Variants in RGPD2 observed in about 807,000 individuals in gnomAD.
RGPD2 encodes the protein RANBP2-like and GRIP domain-containing protein 2.
A neutral mutation model predicts 36.0 loss-of-function variants in RGPD2; 2 were observed. The ratio of observed to expected loss-of-function variants is 0.06; its 90% CI spans 0.02 to 0.17. The LOEUF is 0.17. Ranked by LOEUF, RGPD2 falls within the 10% of genes least tolerant of loss-of-function variation. The pLI is 1.00. For synonymous variants in RGPD2, 19 were observed against 163.8 expected (o/e 0.12, Z 6.75); for missense variants, 40 against 464.3 (o/e 0.09, Z 8.40).
At chr2:87,872,440 A>G in the RGPD2 span, among the ~76,000 whole-genome samples, 2 of 152,234 alleles carry the variant, frequency 1.3e-5, no homozygotes, top group African/African-American at 2.4e-5. Flanking sequence ...TTAAAGGAAT[A>G]TATAAACATA....
chr2:87,955,338 T>C, the RGPD2 span, among the ~76,000 whole-genome samples: 1 of 126,288 alleles, frequency 7.9e-6, no homozygotes. Context: ...TTTTCACCTT[T>C]ACATTTGATA....
chr2:87,932,796 A>G, the RGPD2 span, among the ~76,000 whole-genome samples: 1 of 151,856 alleles, frequency 6.6e-6, no homozygotes, highest in Non-Finnish European at 1.5e-5. Context: ...CTTCTGGTTT[A>G]TAGAGCTTCA....
At chr2:87,988,541 A>ATATATATTTTTTTTTT in the RGPD2 span, among the ~76,000 whole-genome samples, 1 of 54,152 alleles carries the variant, frequency 1.8e-5, no homozygotes. Context: ...ATATATATAT[A>ATATATATTTTTTTTTT]TTTTTTTTTT....
At chr2:87,913,427 A>G in the RGPD2 span, among the ~76,000 whole-genome samples, 6 of 151,898 alleles carry the variant, frequency 4.0e-5, no homozygotes, top group Non-Finnish European at 8.8e-5. Flanking sequence ...TAGCATTGGG[A>G]GATATACCTA....
the RGPD2 span, among the ~76,000 whole-genome samples, chr2:87,943,899 C>T: frequency 6.6e-6 from 1 of 152,004 alleles, no homozygotes; most frequent in African/African-American, 2.4e-5. Flanking sequence ...AATCTTGAAG[C>T]CTCCTCCAAA....
the RGPD2 span, among the ~76,000 whole-genome samples, chr2:87,921,010 T>A: frequency 2.0e-5 from 3 of 149,500 alleles, no homozygotes; most frequent in African/African-American, 7.4e-5. Context: ...TAGGCTGATG[T>A]AGAAAGTCAA....
At chr2:87,877,383 G>T in the RGPD2 span, among the ~76,000 whole-genome samples, 1 of 152,292 alleles carries the variant, frequency 6.6e-6, no homozygotes, top group African/African-American at 2.4e-5. Flanking sequence ...AGAAGCTCTT[G>T]CAAGGCAGGC....
chr2:87,881,967 G>A, the RGPD2 span, among the ~76,000 whole-genome samples: 104 of 150,486 alleles, frequency 6.9e-4, no homozygotes, highest in East Asian at 9.4e-3. Flanking sequence ...GGGAGAGCAG[G>A]CATTTCACGT....
chr2:87,854,630 G>A, the RGPD2 span, among the ~76,000 whole-genome samples: 3 of 152,016 alleles, frequency 2.0e-5, no homozygotes, highest in African/African-American at 7.2e-5. Context: ...CACCTCAACT[G>A]TCAGTAGCAC....
chr2:87,876,642 G>C, the RGPD2 span, among the ~76,000 whole-genome samples: 3 of 152,290 alleles, frequency 2.0e-5, no homozygotes, highest in Non-Finnish European at 4.4e-5. Flanking sequence ...ATCAATTTTA[G>C]AGTAAGTGCT....
the RGPD2 span, among the ~76,000 whole-genome samples, chr2:87,929,487 A>ATGTGTGTGTGTGTG: frequency 1.2e-4 from 16 of 136,984 alleles, no homozygotes; most frequent in South Asian, 2.4e-4. Context: ...GTGTGTGTGT[A>ATGTGTGTGTGTGTG]TGTGTGTGTG....
chr2:87,830,265 A>T (rs551656717), upstream of RGPD2, among the ~76,000 whole-genome samples: 5 of 152,356 alleles, frequency 3.3e-5, no homozygotes, highest in Admixed American at 3.3e-4. Context: ...CTTTCACAGC[A>T]TTTTCCACCC....
At chr2:87,873,351 A>G in the RGPD2 span, among the ~76,000 whole-genome samples, 1 of 144,756 alleles carries the variant, frequency 6.9e-6, no homozygotes, top group African/African-American at 2.6e-5. Context: ...TCCCTTGGGT[A>G]TATACTGAGT....
chr2:87,825,737 C>G lies in RGPD2; in HGVS notation c.-8G>C, dbSNP rs1686780196. ...GGCTTTGCTGCGCCTCATCGCACCG[C>G]CAACCTGGCTCCCGAGACGCGTGAA... is the stretch of plus-strand genomic sequence containing the variant. On this transcript the variant is annotated 5_prime_UTR_variant, in exon 1 of 23. Transcript: ENST00000398146. 1.3e-6 allele frequency: 2 copies of G among 1,596,752 alleles called. No individual in the cohort carries two copies. Among genetic ancestry groups the G allele is most frequent in the South Asian group, 1.1e-5 (1 of 88,534 alleles).
At chr2:87,825,443 C>CGT (rs1215419175) in intron 1 of RGPD2, among the ~76,000 whole-genome samples, 1 of 114,228 alleles carries the variant, frequency 8.8e-6, no homozygotes, top group Non-Finnish European at 2.0e-5. Context: ...CCGCCGCCGC[C>CGT]CGGCCAGGCC....
the RGPD2 span, among the ~76,000 whole-genome samples, chr2:87,837,210 A>T: frequency 1.3e-5 from 2 of 150,260 alleles, no homozygotes; most frequent in Non-Finnish European, 3.0e-5. Flanking sequence ...CCCAAATTTG[A>T]TACTTAACTA....
At chr2:87,962,501 T>G in the RGPD2 span, among the ~76,000 whole-genome samples, 19 of 152,228 alleles carry the variant, frequency 1.2e-4, no homozygotes, top group African/African-American at 4.6e-4. Flanking sequence ...GATTCTGAGC[T>G]TACCAGTGTG....
the RGPD2 span, among the ~76,000 whole-genome samples, chr2:87,883,096 A>C: frequency 6.6e-6 from 1 of 152,200 alleles, no homozygotes; most frequent in Non-Finnish European, 1.5e-5. Flanking sequence ...TAAAAACAAA[A>C]CTATTAAAAA....
chr2:87,935,437 C>T, the RGPD2 span, among the ~76,000 whole-genome samples: 1 of 146,830 alleles, frequency 6.8e-6, no homozygotes, highest in Non-Finnish European at 1.5e-5. Flanking sequence ...GCTCTATGAA[C>T]TTCATTGCTG....
Sources: gnomAD v4.1 joint callset for allele counts (sites outside exome capture counted in the v4.1 genomes callset) on GRCh38, gnomAD v4.1.1 for gene constraint, MANE v1.5 for transcripts, NCBI Gene and HGNC (gene_info 2026-07-23, HGNC 2026-07-21) for gene names.